The following ATP8A2 variants were observed in gnomAD, a reference collection of about 807,000 sequenced individuals.
ATP8A2 encodes phospholipid-transporting ATPase IB.
In ATP8A2, 100 loss-of-function variants were observed where a neutral mutation model predicts 165.6. That is an observed-to-expected ratio of 0.60 (90% CI 0.51 to 0.71). The LOEUF is 0.71. Among genes scored for constraint, ATP8A2 ranks in the 30% least tolerant of loss-of-function variants. The probability of loss-of-function intolerance (pLI) is 0.00; values close to 1 mark genes in which losing one functional copy is unlikely to be tolerated. For missense variants in ATP8A2, 1,227 were observed against 1,479.5 expected (o/e 0.83, Z 2.80); for synonymous variants, 543 against 548.8 (o/e 0.99, Z 0.15).
chr13:25,717,418 T>TAAAAA (rs55732375), intron 25 of ATP8A2, among the ~76,000 whole-genome samples: 1,369 of 94,966 alleles, frequency 0.014, 22 homozygotes, highest in African/African-American at 0.028. Flanking sequence ...CTGAAAAAAC[T>TAAAAA]AAAAAAAAAA....
chr13:25,590,749 G>A (rs2040049954), intron 24 of ATP8A2, among the ~76,000 whole-genome samples: 1 of 152,170 alleles, frequency 6.6e-6, no homozygotes, highest in Non-Finnish European at 1.5e-5. Flanking sequence ...CTCTTTTAAA[G>A]GGAGGCAATA....
chr13:25,682,194 C>T (rs1385597102), intron 24 of ATP8A2, among the ~76,000 whole-genome samples: 3 of 152,156 alleles, frequency 2.0e-5, no homozygotes, highest in Admixed American at 1.3e-4. Flanking sequence ...CATGAAGTTG[C>T]TGGTATCTGT....
intron 25 of ATP8A2, among the ~76,000 whole-genome samples, chr13:25,727,296 G>A (rs138140637): frequency 8.5e-5 from 13 of 152,328 alleles, no homozygotes; most frequent in Admixed American, 8.5e-4. Flanking sequence ...ACAGAAAGAA[G>A]TTTAGAGAGT....
intron 25 of ATP8A2, among the ~76,000 whole-genome samples, chr13:25,763,886 A>G (rs1402199948): frequency 6.6e-6 from 1 of 152,210 alleles, no homozygotes; most frequent in Non-Finnish European, 1.5e-5. Flanking sequence ...GGCATTTAAT[A>G]AATAGGATTG....
intron 1 of ATP8A2, among the ~76,000 whole-genome samples, chr13:25,446,203 C>T (rs2035064459): frequency 6.6e-6 from 1 of 152,156 alleles, no homozygotes; most frequent in African/African-American, 2.4e-5. Flanking sequence ...TCATTGTCTC[C>T]TGCCCACCCC....
intron 27 of ATP8A2, among the ~76,000 whole-genome samples, chr13:25,790,885 A>G (rs560705918): frequency 1.3e-5 from 2 of 152,182 alleles, no homozygotes; most frequent in African/African-American, 4.8e-5. Context: ...AAAATAACAG[A>G]TGTTGGCGAG....
At chr13:25,940,538 C>T (rs1443857025) in intron 33 of ATP8A2, among the ~76,000 whole-genome samples, 1 of 152,214 alleles carries the variant, frequency 6.6e-6, no homozygotes, top group East Asian at 1.9e-4. Context: ...CCCGGTTCCC[C>T]TCCCTCACTG....
At chr13:25,888,658 G>T (rs1953250032) in intron 33 of ATP8A2, among the ~76,000 whole-genome samples, 1 of 152,198 alleles carries the variant, frequency 6.6e-6, no homozygotes, top group Non-Finnish European at 1.5e-5. Context: ...TCAGGAGTTA[G>T]AGACCAGCCT....
chr13:25,448,456 C>T (rs934559951), intron 1 of ATP8A2, among the ~76,000 whole-genome samples: 4 of 152,076 alleles, frequency 2.6e-5, no homozygotes, highest in Admixed American at 1.3e-4. Context: ...CTGAATAAGC[C>T]TAGATCATTC....
intron 33 of ATP8A2, among the ~76,000 whole-genome samples, chr13:25,919,944 G>A (rs1467973457): frequency 2.0e-5 from 3 of 151,950 alleles, no homozygotes; most frequent in Non-Finnish European, 2.9e-5. Context: ...GTACTACAAG[G>A]CCTGGCTAAT....
At chr13:25,866,970 G>A (rs748199747) in intron 33 of ATP8A2, among the ~76,000 whole-genome samples, 5 of 152,080 alleles carry the variant, frequency 3.3e-5, no homozygotes, top group Non-Finnish European at 7.4e-5. Flanking sequence ...ACATGAAATC[G>A]TTAACCATGG....
intron 25 of ATP8A2, among the ~76,000 whole-genome samples, chr13:25,726,090 T>C (rs1485216090): frequency 6.6e-6 from 1 of 152,242 alleles, no homozygotes; most frequent in Admixed American, 6.5e-5. Context: ...CCCGTTTGTT[T>C]CGAATGCATC....
intron 25 of ATP8A2, among the ~76,000 whole-genome samples, chr13:25,742,676 T>G (rs1184187152): frequency 8.6e-6 from 1 of 116,310 alleles, no homozygotes; most frequent in Non-Finnish European, 1.8e-5. Context: ...TCTCTCTCTC[T>G]CTGTCTTTTT....
At chr13:25,733,009 A>C (rs1359791969) in intron 25 of ATP8A2, among the ~76,000 whole-genome samples, 12 of 152,192 alleles carry the variant, frequency 7.9e-5, no homozygotes, top group Admixed American at 7.2e-4. Context: ...ACAAGTAAGA[A>C]AACTGAATGG....
intron 15 of ATP8A2, 114 bp from the exon 16 acceptor site, chr13:25,563,842 G>T: frequency 1.5e-6 from 1 of 645,580 alleles, no homozygotes; most frequent in Non-Finnish European, 2.8e-6. Flanking sequence ...AGTTTAATGT[G>T]AATCCCTATA....
intron 35 of ATP8A2, among the ~76,000 whole-genome samples, chr13:25,987,337 G>A (rs573844804): frequency 4.6e-5 from 7 of 152,260 alleles, no homozygotes; most frequent in Non-Finnish European, 8.8e-5. Flanking sequence ...TCTTCCAACT[G>A]GAAAATGCCA....
intron 35 of ATP8A2, among the ~76,000 whole-genome samples, chr13:25,989,787 C>T (rs755108515): frequency 2.0e-5 from 3 of 152,148 alleles, no homozygotes; most frequent in Non-Finnish European, 4.4e-5. Flanking sequence ...CCTACTTGTT[C>T]CTTCAACGTG....
chr13:25,671,990 A>G (rs2042274549), intron 24 of ATP8A2, among the ~76,000 whole-genome samples: 1 of 152,018 alleles, frequency 6.6e-6, no homozygotes, highest in Admixed American at 6.5e-5. Flanking sequence ...TCTCTTTTGT[A>G]CTCTGTCCCT....
At chr13:25,993,748 T>A (rs1182769564) in intron 35 of ATP8A2, among the ~76,000 whole-genome samples, 1 of 152,216 alleles carries the variant, frequency 6.6e-6, no homozygotes, top group Non-Finnish European at 1.5e-5. Flanking sequence ...ATTGTAATTA[T>A]ATCATAAGTC....
Sources: gnomAD v4.1 joint callset for allele counts (sites outside exome capture counted in the v4.1 genomes callset) on GRCh38, gnomAD v4.1.1 for gene constraint, MANE v1.5 for transcripts, NCBI Gene and HGNC (gene_info 2026-07-23, HGNC 2026-07-21) for gene names.